The following PCDHGA11 variants were observed in gnomAD, a reference collection of about 807,000 sequenced individuals.
The protein encoded by PCDHGA11 is protocadherin gamma-A11.
A neutral mutation model predicts 60.4 loss-of-function variants in PCDHGA11; 39 were observed. The observed-to-expected ratio is 0.65, with a 90% CI of 0.50 to 0.84. The LOEUF (loss-of-function observed/expected upper bound fraction) is 0.84, where lower values mean the gene tolerates loss of function less well. PCDHGA11 is among the 40% of genes least tolerant of loss of function. The probability of loss-of-function intolerance (pLI) is 0.00; values close to 1 mark genes in which losing one functional copy is unlikely to be tolerated. For synonymous variants in PCDHGA11, 533 were observed against 510.3 expected (o/e 1.04, Z -0.60); for missense variants, 1,165 against 1,197.7 (o/e 0.97, Z 0.40).
Position 141,485,739 on chromosome 5 carries a change from G to A in PCDHGA11, c.2434-9068G>A. 6.2e-7 allele frequency: 1 copy of A among 1,614,234 alleles called. No individual in the cohort carries two copies. Among genetic ancestry groups the A allele is most frequent in the Non-Finnish European group, 8.5e-7 (1 of 1,180,042 alleles). ...GATGTGAAGAAGCGCAGCGACGGCA[G>A]CCTGGTCCCAGAGCTGCTCCTGGAG... On this transcript the variant is annotated intron_variant, in intron 1 of 3. Transcript: ENST00000398587. The surrounding 1 kb of genome is among the most constrained non-coding windows in gnomAD (Gnocchi z 5.7).
chr5:141,443,307 C>A (rs1447607301), intron 1 of PCDHGA11, among the ~76,000 whole-genome samples: 1 of 136,584 alleles, frequency 7.3e-6, no homozygotes, highest in Non-Finnish European at 1.5e-5. Flanking sequence ...ATGGCAAAAA[C>A]CCATCTCTAC....
At chr5:141,504,483 AGGCACC>A (rs2099838618) in intron 2 of PCDHGA11, among the ~76,000 whole-genome samples, 1 of 151,954 alleles carries the variant, frequency 6.6e-6, no homozygotes, top group Non-Finnish European at 1.5e-5. Flanking sequence ...AGTACAGTGG[AGGCACC>A]TGCCCAGTCT....
chr5:141,486,391 C>T lies in PCDHGA11; in HGVS notation c.2434-8416C>T. The T allele has an allele frequency of 6.2e-7, 1 of 1,614,112 alleles. No individual in the cohort carries two copies. The highest frequency in any genetic ancestry group is 8.5e-7 in the Non-Finnish European group (1 of 1,179,984). Reference sequence around the variant, plus strand: ...AGTCTGCCTTCAGGAACCAGTTCTCCCTGGTGACTGCTGGACCCTTGGATC... The same window carrying T: ...AGTCTGCCTTCAGGAACCAGTTCTCTCTGGTGACTGCTGGACCCTTGGATC... On this transcript the variant is annotated intron_variant, in intron 1 of 3. Transcript: ENST00000398587. The surrounding 1 kb of genome is among the most constrained non-coding windows in gnomAD (Gnocchi z 5.0).
intron 1 of PCDHGA11, among the ~76,000 whole-genome samples, chr5:141,446,174 G>A (rs1242027176): frequency 1.3e-5 from 2 of 152,062 alleles, no homozygotes; most frequent in Non-Finnish European, 2.9e-5. Context: ...GAGGGCAGGG[G>A]GTGTTTTGTT....
In PCDHGA11 at chr5:141,487,259, T is replaced by A. The variant is rs2099641960; in HGVS notation, c.2434-7548T>A. 1.9e-6 allele frequency: 3 copies of A among 1,614,014 alleles called. No individual in the cohort carries two copies. The highest frequency in any genetic ancestry group is 1.3e-5 in the African/African-American group (1 of 74,926). ...TCGTCTAACCCTCTACTTGGCTGTGTCCCTAGTGGCAATTTGCTTTGTCTC... is the reference window on the plus strand; with the variant it reads ...TCGTCTAACCCTCTACTTGGCTGTGACCCTAGTGGCAATTTGCTTTGTCTC... On this transcript the variant is annotated intron_variant, in intron 1 of 3. Coordinates refer to ENST00000398587, the MANE Select transcript of PCDHGA11 (RefSeq NM_018914.3). The surrounding 1 kb of genome is among the most constrained non-coding windows in gnomAD (Gnocchi z 5.0).
At chr5:141,473,858 C>G (rs569473917) in intron 1 of PCDHGA11, among the ~76,000 whole-genome samples, 1 of 152,286 alleles carries the variant, frequency 6.6e-6, no homozygotes, top group Admixed American at 6.5e-5. Flanking sequence ...ATGAACCTCG[C>G]TATTGTGGAG....
intron 1 of PCDHGA11, among the ~76,000 whole-genome samples, chr5:141,464,221 C>T (rs570804761): frequency 2.9e-4 from 44 of 149,624 alleles, no homozygotes; most frequent in African/African-American, 9.6e-4. Flanking sequence ...GCTGAGATTG[C>T]GCCACTGCAC....
At position 141,421,750 on chromosome 5, in the gene PCDHGA11, C is replaced by G; in HGVS notation, c.523C>G (p.Pro175Ala). 1 of 1,613,906 alleles carries G rather than the reference C, an allele frequency of 6.2e-7. No homozygotes were observed. Among genetic ancestry groups the G allele is most frequent in the East Asian group, 2.2e-5 (1 of 44,886 alleles). ...VNSLQSYQLS[P>A]NNYFSLQLRG... ...CTCCCTCCAGAGCTACCAGCTCAGC[C>G]CTAATAATTACTTTTCCTTGCAACT... Residue 175 changes from proline to alanine, a missense_variant, in exon 1 of 4, where the codon CCT becomes GCT. Physicochemically the swap from Pro to Ala is conservative, Grantham distance 27 (BLOSUM62 -1). Transcript: ENST00000398587.
Position 141,421,577 on chromosome 5 carries a change from T to C in PCDHGA11, c.350T>C (p.Ile117Thr), listed in dbSNP as rs1385519860. 22 of 1,613,748 alleles carry C rather than the reference T, an allele frequency of 1.4e-5. No homozygotes were observed. Among genetic ancestry groups the C allele is most frequent in the Non-Finnish European group, 1.5e-5 (18 of 1,179,850 alleles). Residue 117 changes from isoleucine to threonine, a missense_variant, in exon 1 of 4, where the codon ATT (isoleucine) becomes ACT (threonine). Physicochemically the swap from Ile to Thr is moderately conservative, Grantham distance 89. Coordinates refer to ENST00000398587, the MANE Select transcript of PCDHGA11 (RefSeq NM_018914.3). ...CTTCTCGTGGAAGACACCTTGAAGA[T>C]TTACGGAGTGGAGGTGGAAATAATA... ...MELLVEDTLK[I>T]YGVEVEIIDI...
Position 141,423,185 on chromosome 5 carries a change from C to T in PCDHGA11, c.1958C>T (p.Pro653Leu), listed in dbSNP as rs996177363. The stretch of plus-strand genomic sequence containing the variant: ...GTGGCCGTCCAGGACCACGGCCAGC[C>T]CCCTCTCTCGGCCACCGTCACGCTC... ...LVVAVQDHGQ[P>L]PLSATVTLTV... The change falls in exon 1 of 4, where the codon CCC becomes CTC. Residue 653 changes from proline (P) to leucine (L), a missense_variant. Pro to Leu is a moderately conservative substitution (Grantham distance 98, BLOSUM62 -3). Transcript: ENST00000398587. 7 of 1,613,492 alleles carry T rather than the reference C, an allele frequency of 4.3e-6. No homozygotes were observed. Among genetic ancestry groups the T allele is most frequent in the Non-Finnish European group, 5.9e-6 (7 of 1,179,990 alleles).
In PCDHGA11 at chr5:141,476,836, T is replaced by C. The variant is rs772607917; in HGVS notation, c.2434-17971T>C. On this transcript the variant is annotated intron_variant, in intron 1 of 3. Coordinates refer to ENST00000398587, the MANE Select transcript of PCDHGA11 (RefSeq NM_018914.3). The surrounding 1 kb of genome is among the most constrained non-coding windows in gnomAD (Gnocchi z 7.6). ...TCAAGGTGCTGGACGCGAATGACAATGCGCCTGTCTTCAACCAGTCCTTGT... is the reference window on the plus strand; with the variant it reads ...TCAAGGTGCTGGACGCGAATGACAACGCGCCTGTCTTCAACCAGTCCTTGT... 1.9e-6 allele frequency: 3 copies of C among 1,613,652 alleles called. 1 individual carries two copies. The highest frequency in any genetic ancestry group is 2.2e-5 in the East Asian group (1 of 44,852).
chr5:141,473,616 G>A (rs1049605139), intron 1 of PCDHGA11, among the ~76,000 whole-genome samples: 5 of 152,118 alleles, frequency 3.3e-5, no homozygotes, highest in African/African-American at 1.2e-4. Flanking sequence ...GCAAAGGGAG[G>A]GAGGAAAAAG....
In PCDHGA11 at chr5:141,490,347, G is replaced by T; in HGVS notation, c.2434-4460G>T. On this transcript the variant is annotated intron_variant, in intron 1 of 3. Coordinates refer to ENST00000398587, the MANE Select transcript of PCDHGA11 (RefSeq NM_018914.3). This position sits in a 1 kb window ranked among gnomAD's most constrained non-coding sequence, Gnocchi z 5.4. ...AGAGCACACCAGTGGGCACAGTAGT[G>T]GGGTTGTTTAATGTGCGAGACCGGG... 1 of 1,614,180 alleles carries T rather than the reference G, an allele frequency of 6.2e-7. No homozygotes were observed.
chr5:141,463,535 G>A (rs1178825067), intron 1 of PCDHGA11, among the ~76,000 whole-genome samples: 4 of 137,928 alleles, frequency 2.9e-5, no homozygotes, highest in East Asian at 2.3e-4. Context: ...TAGAAACTCC[G>A]GCTCCCGGGT....
intron 3 of PCDHGA11, 119 bp downstream of exon 3, chr5:141,505,600 G>T: frequency 1.3e-6 from 2 of 1,554,224 alleles, no homozygotes; most frequent in Middle Eastern, 3.4e-4. Context: ...AGATCTTTCG[G>T]CAGGTCTGAA....
At position 141,486,243 on chromosome 5, in the gene PCDHGA11, G is replaced by A. The variant is rs754924567; in HGVS notation, c.2434-8564G>A. 18 of 1,614,156 alleles carry A rather than the reference G, an allele frequency of 1.1e-5. No individual in the cohort carries two copies. The highest frequency in any genetic ancestry group is 1.4e-5 in the Non-Finnish European group (16 of 1,180,018). ...TACATCACAGTGACCTCAGAGCTTG[G>A]AACCCTCCCCGAGAGTGCAGAACCT... On this transcript the variant is annotated intron_variant, in intron 1 of 3. Coordinates refer to ENST00000398587, the MANE Select transcript of PCDHGA11 (RefSeq NM_018914.3). This position sits in a 1 kb window ranked among gnomAD's most constrained non-coding sequence, Gnocchi z 5.0.
At chr5:141,444,492 T>C (rs1052885639) in intron 1 of PCDHGA11, among the ~76,000 whole-genome samples, 1 of 152,122 alleles carries the variant, frequency 6.6e-6, no homozygotes, top group East Asian at 1.9e-4. Context: ...TTATATTGTG[T>C]AATACTTTGC....
Position 141,494,815 on chromosome 5 carries a change from G to A in PCDHGA11, c.2442G>A (p.Pro814=), listed in dbSNP as rs765344906. 1 of 1,613,976 alleles carries A rather than the reference G, an allele frequency of 6.2e-7. No homozygotes were observed. Among genetic ancestry groups the A allele is most frequent in the South Asian group, 1.1e-5 (1 of 91,072 alleles). ...KCDPTSNQQA[P]PNTDWRFSQA... The stretch of plus-strand genomic sequence containing the variant: ...CTCTGTTTTCTCCACAGCAAGCCCC[G>A]CCCAACACGGACTGGCGTTTCTCTC... The change falls in exon 2 of 4, where the codon CCG becomes CCA. Residue 814 remains proline, a synonymous_variant. Transcript: ENST00000398587.
chr5:141,445,363 T>C (rs186841717), intron 1 of PCDHGA11, among the ~76,000 whole-genome samples: 9 of 152,284 alleles, frequency 5.9e-5, no homozygotes. Context: ...CCAAGTCTGG[T>C]CCTGGGTGGT....
Sources: gnomAD v4.1 joint callset for allele counts (sites outside exome capture counted in the v4.1 genomes callset) on GRCh38, gnomAD v4.1.1 for gene constraint, Gnocchi (gnomAD v3.1) non-coding constraint, MANE v1.5 for transcripts, NCBI Gene and HGNC (gene_info 2026-07-23, HGNC 2026-07-21) for gene names.